TNRC6B: variants seen among roughly 807,000 people sequenced by gnomAD.
The protein encoded by TNRC6B is trinucleotide repeat-containing gene 6B protein.
TNRC6B carries 52 observed loss-of-function variants against 203.6 expected under a neutral mutation model. The ratio of observed to expected loss-of-function variants is 0.26; its 90% confidence interval spans 0.20 to 0.32. TNRC6B has a LOEUF of 0.32. Among genes scored for constraint, TNRC6B ranks in the 10% least tolerant of loss-of-function variants. The pLI is 1.00. For missense variants in TNRC6B, 1,923 were observed against 2,286.2 expected, an observed-to-expected ratio of 0.84 and a Z score of 3.24; for synonymous variants, 838 against 845.7, an observed-to-expected ratio of 0.99 and a Z score of 0.16.
At chr22:40,205,913 CTCA>C (rs897163460) in intron 1 of TNRC6B, among the ~76,000 whole-genome samples, 17 of 152,274 alleles carry the variant, frequency 1.1e-4, no homozygotes, top group South Asian at 8.3e-4. Flanking sequence ...TTTTATTCTT[CTCA>C]TCTGTCATGA....
chr22:40,204,461 G>A (rs2069453590), intron 1 of TNRC6B, among the ~76,000 whole-genome samples: 1 of 152,228 alleles, frequency 6.6e-6, no homozygotes, highest in South Asian at 2.1e-4. Context: ...AGTCCAGACA[G>A]TGTACATTTT....
At chr22:40,300,434 C>CT in intron 12 of TNRC6B, 21 bp from the exon 13 acceptor site, 1 of 1,519,140 alleles carries the variant, frequency 6.6e-7, no homozygotes, top group Non-Finnish European at 8.8e-7. Context: ...TCTTTTCTTT[C>CT]TTTTTTATTT....
chr22:40,293,017 G>A (rs1011738915), intron 12 of TNRC6B, among the ~76,000 whole-genome samples: 1 of 151,774 alleles, frequency 6.6e-6, no homozygotes, highest in Non-Finnish European at 1.5e-5. Flanking sequence ...ATTTTTACTT[G>A]TATTATTTCA....
At chr22:40,068,467 G>A (rs189199987) in intron 1 of TNRC6B, among the ~76,000 whole-genome samples, 6 of 151,886 alleles carry the variant, frequency 4.0e-5, no homozygotes, top group African/African-American at 7.2e-5. Flanking sequence ...ACAGGCACGC[G>A]CCACCATGCC....
chr22:40,047,584 CAA>C (rs945680903), intron 1 of TNRC6B, among the ~76,000 whole-genome samples: 17 of 151,336 alleles, frequency 1.1e-4, no homozygotes, highest in Admixed American at 6.6e-4. Flanking sequence ...ATCTGGGCAA[CAA>C]GAGCGAAATT....
At chr22:40,051,609 CACAG>C (rs1319612787) in intron 1 of TNRC6B, among the ~76,000 whole-genome samples, 2 of 152,166 alleles carry the variant, frequency 1.3e-5, no homozygotes, top group Non-Finnish European at 2.9e-5. Flanking sequence ...CCAAATCGAC[CACAG>C]GCACTACAGT....
intron 1 of TNRC6B, among the ~76,000 whole-genome samples, chr22:40,218,480 CA>C (rs1230070636): frequency 2.0e-5 from 3 of 151,714 alleles, no homozygotes; most frequent in Non-Finnish European, 4.4e-5. Context: ...GCATGCTCCC[CA>C]ATGCCTGGCT....
At chr22:40,201,283 A>G (rs149437222) in intron 1 of TNRC6B, among the ~76,000 whole-genome samples, 2 of 152,292 alleles carry the variant, frequency 1.3e-5, no homozygotes, top group Non-Finnish European at 2.9e-5. Flanking sequence ...GATGGAGAAT[A>G]GGGAACATGT....
chr22:40,319,046 G>A (rs1055345104), intron 21 of TNRC6B, among the ~76,000 whole-genome samples: 1 of 152,164 alleles, frequency 6.6e-6, no homozygotes, highest in Non-Finnish European at 1.5e-5. Flanking sequence ...ACTCCAGCCT[G>A]GGTAACAGAG....
At chr22:40,249,083 C>T (rs1338944747) in intron 2 of TNRC6B, among the ~76,000 whole-genome samples, 3 of 152,156 alleles carry the variant, frequency 2.0e-5, no homozygotes, top group African/African-American at 4.8e-5. Context: ...TCATTCGGTC[C>T]GCAAACATTT....
chr22:40,219,973 C>G (rs916185673), intron 1 of TNRC6B, among the ~76,000 whole-genome samples: 11 of 152,100 alleles, frequency 7.2e-5, no homozygotes, highest in Admixed American at 7.2e-4. Flanking sequence ...ACTAAATGAA[C>G]GCATGGGGGA....
chr22:40,259,182 C>A (rs1338186446), intron 3 of TNRC6B, among the ~76,000 whole-genome samples: 1 of 152,062 alleles, frequency 6.6e-6, no homozygotes, highest in South Asian at 2.1e-4. Context: ...AGTTATGTAT[C>A]CATCTGTTGT....
chr22:40,253,704 G>A (rs1345810671), intron 3 of TNRC6B: 1 of 456,162 alleles, frequency 2.2e-6, no homozygotes, highest in African/African-American at 2.0e-5. Context: ...GTTGTCCCTG[G>A]GGTATGTTAA....
upstream of TNRC6B, among the ~76,000 whole-genome samples, chr22:40,177,198 T>C (rs1436336417): frequency 6.6e-6 from 1 of 152,152 alleles, no homozygotes; most frequent in Non-Finnish European, 1.5e-5. Flanking sequence ...AGCTACCTCC[T>C]GCGGTGGGGG....
At chr22:40,260,051 G>A (rs746744311) in intron 3 of TNRC6B, among the ~76,000 whole-genome samples, 6 of 152,122 alleles carry the variant, frequency 3.9e-5, no homozygotes, top group Non-Finnish European at 5.9e-5. Flanking sequence ...CAGAGGGTCC[G>A]GCAGAGTGCG....
In TNRC6B at chr22:40,329,322, A is replaced by G. The variant is rs946082105; in HGVS notation, c.*6081A>G. On this transcript the variant is annotated 3_prime_UTR_variant, in exon 23 of 23. Transcript: ENST00000454349. ...TCATTCTGTAAGAAAACAGAATATT[A>G]TCTAGATTTCCAGAGTTAGTGCAGA... 3.9e-5 allele frequency: 6 copies of G among 152,248 alleles called. No homozygotes were observed. The highest frequency in any genetic ancestry group is 1.4e-4 in the African/African-American group (6 of 41,468). 9.4% of individuals were successfully genotyped at this position (152,248 alleles called of 1,614,324 possible).
intron 1 of TNRC6B, among the ~76,000 whole-genome samples, chr22:40,231,088 G>A (rs192109027): frequency 4.6e-4 from 70 of 152,014 alleles, no homozygotes; most frequent in Non-Finnish European, 8.8e-4. Context: ...TGTGGATTCT[G>A]TTCTATCCCA....
At chr22:40,183,967 T>C (rs1340436144) in intron 1 of TNRC6B, among the ~76,000 whole-genome samples, 1 of 152,174 alleles carries the variant, frequency 6.6e-6, no homozygotes, top group Non-Finnish European at 1.5e-5. Context: ...AGTTCTGGGA[T>C]TACAGGCATG....
chr22:40,085,764 A>G (rs1242940789), intron 1 of TNRC6B, among the ~76,000 whole-genome samples: 1 of 152,162 alleles, frequency 6.6e-6, no homozygotes, highest in East Asian at 1.9e-4. Context: ...CAATACTAAG[A>G]TATGTTAATT....
Sources: allele counts gnomAD v4.1 joint callset (sites outside exome capture counted in the v4.1 genomes callset), GRCh38; gene constraint gnomAD v4.1.1; transcripts MANE v1.5; gene names NCBI Gene and HGNC (gene_info 2026-07-23, HGNC 2026-07-21).